The following RBBP5 variants were observed in gnomAD, a reference collection of about 807,000 sequenced individuals.
RBBP5 encodes retinoblastoma-binding protein 5.
RBBP5 carries 5 observed loss-of-function variants against 72.2 expected under a neutral mutation model. The ratio of observed to expected loss-of-function variants is 0.07; its 90% CI spans 0.04 to 0.15. RBBP5 has a LOEUF of 0.15. Ranked by LOEUF, RBBP5 falls within the 10% of genes least tolerant of loss-of-function variation. RBBP5 has a pLI of 1.00. For missense variants in RBBP5, 322 were observed against 652.2 expected (o/e 0.49, Z 5.51); for synonymous variants, 209 against 237.2 (o/e 0.88, Z 1.09).
intron 6 of RBBP5, among the ~76,000 whole-genome samples, chr1:205,100,794 C>T (rs1009820924): frequency 6.6e-5 from 10 of 152,068 alleles, no homozygotes; most frequent in African/African-American, 2.4e-4. Flanking sequence ...GTCAGCTGTC[C>T]CCAACATTTT....
chr1:205,089,837 T>C (rs1198208629), intron 13 of RBBP5, among the ~76,000 whole-genome samples: 2 of 152,170 alleles, frequency 1.3e-5, no homozygotes, highest in African/African-American at 4.8e-5. Context: ...CTTGCATTGA[T>C]TTTTTATTTA....
intron 1 of RBBP5, chr1:205,116,177 T>G: frequency 2.1e-6 from 1 of 473,436 alleles, no homozygotes; most frequent in South Asian, 2.5e-5. Context: ...CAGGCAAACA[T>G]TGAAGAGATT....
chr1:205,094,771 G>A (rs538589790), intron 13 of RBBP5, 102 bp downstream of exon 13: 23 of 1,270,732 alleles, frequency 1.8e-5, no homozygotes, highest in African/African-American at 1.4e-4. Context: ...TGGGAAAAAC[G>A]AGGGAAGAGA....
In RBBP5 at chr1:205,101,881, G is replaced by C. The variant is rs561200948; in HGVS notation, c.523-172C>G. Among the ~76,000 whole-genome samples the C allele has an allele frequency of 2.3e-4, 35 of 149,754 alleles. No individual in the cohort carries two copies. The South Asian group carries it at 7.1e-3, about 31-fold the overall frequency. Reference sequence around the variant, plus strand: ...GTTTTGCTTCCTTAAGTAAGACAAGGTCTTAATCTAGTCTTTTTTTTTTTT... The same window carrying C: ...GTTTTGCTTCCTTAAGTAAGACAAGCTCTTAATCTAGTCTTTTTTTTTTTT... On this transcript the variant is annotated intron_variant, in intron 5 of 13. Transcript: ENST00000264515.
chr1:205,115,550 T>C lies in RBBP5; in HGVS notation c.45+308A>G, dbSNP rs116959007. On this transcript the variant is annotated intron_variant, in intron 2 of 13. Coordinates refer to ENST00000264515, the MANE Select transcript of RBBP5 (RefSeq NM_005057.4). Reference sequence around the variant, plus strand: ...CATTTTGCTTTACTACATAAAAACATTGATCAAAACGAGAAAAGCACAAAC... The same window carrying C: ...CATTTTGCTTTACTACATAAAAACACTGATCAAAACGAGAAAAGCACAAAC... Among the ~76,000 whole-genome samples the C allele has an allele frequency of 4.2e-4, 64 of 152,288 alleles. 1 individual carries two copies. In the East Asian group the frequency reaches 0.011, roughly 27 times the overall value.
At chr1:205,116,757 T>C (rs1043676397) in intron 1 of RBBP5, among the ~76,000 whole-genome samples, 2 of 152,168 alleles carry the variant, frequency 1.3e-5, no homozygotes, top group East Asian at 1.9e-4. Flanking sequence ...GAGGTTGCAG[T>C]GAGCTGAGAT....
intron 3 of RBBP5, among the ~76,000 whole-genome samples, chr1:205,105,848 C>A (rs537520479): frequency 6.6e-5 from 10 of 152,316 alleles, no homozygotes; most frequent in African/African-American, 2.4e-4. Flanking sequence ...GACAGCCCAG[C>A]AAGACAGAAA....
chr1:205,115,823 A>G (rs181654312), intron 2 of RBBP5, 35 bp downstream of exon 2: 5 of 1,558,624 alleles, frequency 3.2e-6, no homozygotes, highest in African/African-American at 2.8e-5. Flanking sequence ...AGAAGTTACT[A>G]TGTTCCTAAA....
intron 1 of RBBP5, among the ~76,000 whole-genome samples, chr1:205,116,556 C>T (rs11583831): frequency 2.0e-5 from 3 of 152,180 alleles, no homozygotes; most frequent in African/African-American, 7.2e-5. Flanking sequence ...CGGTGGCTCA[C>T]GCCTGTAATC....
At chr1:205,101,168 C>T (rs1375456503) in intron 6 of RBBP5, among the ~76,000 whole-genome samples, 1 of 152,148 alleles carries the variant, frequency 6.6e-6, no homozygotes, top group African/African-American at 2.4e-5. Flanking sequence ...TTACTGACAA[C>T]GTATTTCCTA....
intron 3 of RBBP5, among the ~76,000 whole-genome samples, chr1:205,110,163 G>A (rs1311034383): frequency 6.6e-6 from 1 of 151,968 alleles, no homozygotes; most frequent in African/African-American, 2.4e-5. Flanking sequence ...GGGATTACAG[G>A]CGCATGTCAC....
rs556789199 is a variant in RBBP5, at chr1:205,115,532, C to T, written c.45+326G>A. 2.7e-4 allele frequency among the ~76,000 whole-genome samples: 41 copies of T among 152,284 alleles called. No individual in the cohort carries two copies. In the South Asian group the frequency reaches 8.5e-3, roughly 32 times the overall value. On this transcript the variant is annotated intron_variant, in intron 2 of 13. Transcript: ENST00000264515. Reference sequence around the variant, plus strand: ...AAGCACATCTATAGCATACATTTTGCTTTACTACATAAAAACATTGATCAA... The same window carrying T: ...AAGCACATCTATAGCATACATTTTGTTTTACTACATAAAAACATTGATCAA...
chr1:205,106,672 T>C lies in RBBP5; in HGVS notation c.219-1504A>G, dbSNP rs532359243. Among the ~76,000 whole-genome samples, 13 of 152,258 alleles carry C rather than the reference T, an allele frequency of 8.5e-5. No individual in the cohort carries two copies. In the South Asian group the frequency reaches 1.0e-3, roughly 12 times the overall value. ...TGCCCAGGTTTCAACTGAAAATCACTTGTCAACTCAAGAACAAAGAAAATC... is the reference window on the plus strand; with the variant it reads ...TGCCCAGGTTTCAACTGAAAATCACCTGTCAACTCAAGAACAAAGAAAATC... On this transcript the variant is annotated intron_variant, in intron 3 of 13. Transcript: ENST00000264515.
At chr1:205,115,292 T>C (rs1214597770) in intron 2 of RBBP5, among the ~76,000 whole-genome samples, 2 of 152,106 alleles carry the variant, frequency 1.3e-5, no homozygotes, top group African/African-American at 4.8e-5. Flanking sequence ...ATTCTGGGAA[T>C]TTATTCCAAG....
At chr1:205,113,869 G>C (rs774937416) in intron 3 of RBBP5, among the ~76,000 whole-genome samples, 11 of 151,872 alleles carry the variant, frequency 7.2e-5, no homozygotes, top group Non-Finnish European at 1.2e-4. Context: ...ATTTTTAGTA[G>C]AGACGGGGTT....
At chr1:205,114,735 T>C (rs1329292322) in intron 3 of RBBP5, 54 bp downstream of exon 3, 13 of 1,391,568 alleles carry the variant, frequency 9.3e-6, no homozygotes, top group Non-Finnish European at 1.3e-5. Flanking sequence ...TTTGCAAATA[T>C]ATAGTCATCA....
chr1:205,112,086 G>T (rs1469143785), intron 3 of RBBP5, among the ~76,000 whole-genome samples: 2 of 152,136 alleles, frequency 1.3e-5, no homozygotes, highest in Non-Finnish European at 2.9e-5. Flanking sequence ...GGGAGGCCAA[G>T]GCAAGCAGAT....
intron 5 of RBBP5, among the ~76,000 whole-genome samples, chr1:205,101,928 C>T (rs1028540963): frequency 3.5e-5 from 5 of 141,932 alleles, no homozygotes; most frequent in Non-Finnish European, 7.5e-5. Flanking sequence ...CGGAGTTTCG[C>T]TCTTGTTGCC....
chr1:205,111,872 A>G (rs1490768703), intron 3 of RBBP5, among the ~76,000 whole-genome samples: 2 of 152,074 alleles, frequency 1.3e-5, no homozygotes, highest in African/African-American at 4.8e-5. Flanking sequence ...GGCTCTTGTC[A>G]TATCGTATGT....
Sources: allele counts gnomAD v4.1 joint callset (sites outside exome capture counted in the v4.1 genomes callset), GRCh38; gene constraint gnomAD v4.1.1; transcripts MANE v1.5; gene names NCBI Gene and HGNC (gene_info 2026-07-23, HGNC 2026-07-21).